SULT1E1: variants seen among roughly 807,000 people sequenced by gnomAD.
SULT1E1 encodes the protein sulfotransferase 1E1.
In SULT1E1, 36 loss-of-function variants were observed where a neutral mutation model predicts 33.6. That is an observed-to-expected ratio of 1.07 (90% confidence interval 0.82 to 1.41). SULT1E1 has a LOEUF of 1.41. SULT1E1 is among the 40% of genes most tolerant of loss of function. The pLI is 0.00. For missense variants in SULT1E1, 371 were observed against 345.7 expected (o/e 1.07, Z -0.58); for synonymous variants, 121 against 111.7 (o/e 1.08, Z -0.53).
At chr4:69,856,960 A>AG (rs1721254349) in intron 2 of SULT1E1, among the ~76,000 whole-genome samples, 1 of 149,514 alleles carries the variant, frequency 6.7e-6, no homozygotes. Flanking sequence ...AAAAAAAAAA[A>AG]AGATAACTAA....
In SULT1E1 at chr4:69,854,205, G is replaced by A; in HGVS notation, c.369+12C>T. 6.2e-7 allele frequency: 1 copy of A among 1,601,944 alleles called. No individual in the cohort carries two copies. On this transcript the variant is annotated intron_variant, in intron 4 of 7. Transcript: ENST00000226444. ...ATTGGATGAAGTTTTGAGAACACTT[G>A]ACTCTGGTTACCTTACAATCCTTTT...
chr4:69,841,840 C>CAAA lies in SULT1E1; in HGVS notation c.*151_*153dup, dbSNP rs35543098. ...TAGGCAACAGAGTGAGACTCTGTCT[C>CAAA]AAAAAAAAAAAAAAAAAGTTAAACA... On this transcript the variant is annotated 3_prime_UTR_variant, in exon 8 of 8. Coordinates refer to ENST00000226444, the MANE Select transcript of SULT1E1 (RefSeq NM_005420.3). 0.024 allele frequency: 7,367 copies of CAAA among 306,980 alleles called. 13 individuals carry two copies. The highest frequency in any genetic ancestry group is 0.032 in the South Asian group (956 of 29,444). 19.0% of individuals were successfully genotyped at this position (306,980 alleles called of 1,614,324 possible).
chr4:69,823,594 G>A, the SULT1E1 span, among the ~76,000 whole-genome samples: 17 of 152,042 alleles, frequency 1.1e-4, no homozygotes, highest in Admixed American at 2.0e-4. Context: ...TGGCCCATAC[G>A]GTGTCTAAGA....
At chr4:69,855,600 A>C (rs566984635) in intron 2 of SULT1E1, among the ~76,000 whole-genome samples, 174 bp from the exon 3 acceptor site, 1 of 152,320 alleles carries the variant, frequency 6.6e-6, no homozygotes, top group African/African-American at 2.4e-5. Context: ...TTTAGAACAC[A>C]AAAATAACCT....
the SULT1E1 span, among the ~76,000 whole-genome samples, chr4:69,823,386 C>A: frequency 8.5e-5 from 13 of 152,204 alleles, 1 homozygote; most frequent in Middle Eastern, 0.024. Context: ...GCAAACTAAG[C>A]TCTTTCATTT....
At chr4:69,843,343 GA>G (rs1229452835) in intron 7 of SULT1E1, among the ~76,000 whole-genome samples, 5 of 152,010 alleles carry the variant, frequency 3.3e-5, no homozygotes, top group Non-Finnish European at 5.9e-5. Context: ...GTAGAATTTT[GA>G]AAAAGGAAAC....
the SULT1E1 span, among the ~76,000 whole-genome samples, chr4:69,835,386 T>G: frequency 1.3e-5 from 2 of 152,220 alleles, no homozygotes. Flanking sequence ...GCTCAGCACT[T>G]AACACTTTGT....
At chr4:69,832,012 G>A in the SULT1E1 span, among the ~76,000 whole-genome samples, 1 of 152,284 alleles carries the variant, frequency 6.6e-6, no homozygotes, top group East Asian at 1.9e-4. Flanking sequence ...TGGGGTATAA[G>A]TTTCATCTGA....
chr4:69,829,225 A>G, the SULT1E1 span, among the ~76,000 whole-genome samples: 1 of 152,166 alleles, frequency 6.6e-6, no homozygotes, highest in Non-Finnish European at 1.5e-5. Context: ...ATTAGCCTAT[A>G]TTCACTAGAC....
At position 69,857,577 on chromosome 4, in the gene SULT1E1, A is replaced by C. The variant is rs1400776691; in HGVS notation, c.68T>G (p.Phe23Cys). ...TTCCACATTATCCCAATATTTGACA[A>C]AATCTTTATACATTAGAATCCCATG... ...EVHGILMYKD[F>C]VKYWDNVEAF... Residue 23 changes from phenylalanine to cysteine, a missense_variant, in exon 2 of 8, where the codon TTT becomes TGT. Coordinates refer to ENST00000226444, the MANE Select transcript of SULT1E1 (RefSeq NM_005420.3). The C allele has an allele frequency of 1.9e-6, 3 of 1,613,406 alleles. No homozygotes were observed. In the South Asian group the frequency reaches 3.3e-5, roughly 18 times the overall value.
chr4:69,825,426 C>T, the SULT1E1 span, among the ~76,000 whole-genome samples: 1 of 152,176 alleles, frequency 6.6e-6, no homozygotes, highest in Admixed American at 6.5e-5. Flanking sequence ...GGGACAATCA[C>T]CAAGTGGTGA....
At chr4:69,843,003 A>AT (rs1720909673) in intron 7 of SULT1E1, among the ~76,000 whole-genome samples, 1 of 151,776 alleles carries the variant, frequency 6.6e-6, no homozygotes, top group South Asian at 2.1e-4. Context: ...TGCCTGGCTA[A>AT]TTTTTTGTAT....
chr4:69,830,136 G>A, the SULT1E1 span, among the ~76,000 whole-genome samples: 3 of 152,130 alleles, frequency 2.0e-5, no homozygotes, highest in East Asian at 5.8e-4. Flanking sequence ...TCAAATCCCT[G>A]TCCAGTCTGG....
rs1361249722 is a variant in SULT1E1 at position 69,843,200 on chromosome 4, C to G, written c.772+961G>C. Among the ~76,000 whole-genome samples, 3 of 152,070 alleles carry G rather than the reference C, an allele frequency of 2.0e-5. No homozygotes were observed. In the East Asian group the frequency reaches 5.8e-4, roughly 30 times the overall value. On this transcript the variant is annotated intron_variant, in intron 7 of 7. Coordinates refer to ENST00000226444, the MANE Select transcript of SULT1E1 (RefSeq NM_005420.3). ...CTTGCTCAAGGAGCTCTAAACTTTC[C>G]CACTGAAATAACCCAAAAACCAGAA...
chr4:69,845,426 T>C (rs1720953643), intron 6 of SULT1E1, among the ~76,000 whole-genome samples: 1 of 151,600 alleles, frequency 6.6e-6, no homozygotes, highest in South Asian at 2.1e-4. Flanking sequence ...ACCTACTATG[T>C]ACCCATAAAA....
intron 7 of SULT1E1, among the ~76,000 whole-genome samples, 177 bp from the exon 8 acceptor site, chr4:69,842,283 G>C (rs1191169883): frequency 1.3e-5 from 2 of 151,958 alleles, no homozygotes; most frequent in African/African-American, 2.4e-5. Flanking sequence ...AGATGGATTT[G>C]TCCTAATTGG....
Position 69,844,333 on chromosome 4 carries a change from T to G in SULT1E1, c.600A>C (p.Arg200Ser). The G allele has an allele frequency of 1.2e-6, 2 of 1,612,124 alleles. No homozygotes were observed. Among genetic ancestry groups the G allele is most frequent in the Non-Finnish European group, 1.7e-6 (2 of 1,178,710 alleles). ...LFYEDLKEDI[R>S]KEVIKLIHFL... ...AATGTATCAATTTTATCACCTCTTTTCTGATATCCTAGGGAGAGAAAATGT... is the reference window on the plus strand; with the variant it reads ...AATGTATCAATTTTATCACCTCTTTGCTGATATCCTAGGGAGAGAAAATGT... Residue 200 changes from arginine to serine, a missense_variant, in exon 7 of 8, where the codon AGA becomes AGC. Coordinates refer to ENST00000226444, the MANE Select transcript of SULT1E1 (RefSeq NM_005420.3).
At chr4:69,850,108 A>T (rs534273831) in intron 4 of SULT1E1, among the ~76,000 whole-genome samples, 6 of 152,170 alleles carry the variant, frequency 3.9e-5, no homozygotes, top group African/African-American at 1.4e-4. Flanking sequence ...CTCTGCCAAC[A>T]CCTTGTTAGT....
At chr4:69,857,923 T>C (rs1721281412) in intron 1 of SULT1E1, among the ~76,000 whole-genome samples, 1 of 152,182 alleles carries the variant, frequency 6.6e-6, no homozygotes, top group Non-Finnish European at 1.5e-5. Context: ...TGTGGATATA[T>C]TCAATTATAT....
Sources: gnomAD v4.1 joint callset for allele counts (sites outside exome capture counted in the v4.1 genomes callset) on GRCh38, gnomAD v4.1.1 for gene constraint, MANE v1.5 for transcripts, NCBI Gene and HGNC (gene_info 2026-07-23, HGNC 2026-07-21) for gene names.